EIF2AK4: variants seen among roughly 807,000 people sequenced by gnomAD.
The protein encoded by EIF2AK4 is eIF-2-alpha kinase GCN2.
Under a neutral mutation model 211.1 loss-of-function variants are expected in EIF2AK4, and 139 were observed. The observed-to-expected ratio is 0.66, with a 90% CI of 0.57 to 0.76. EIF2AK4 has a LOEUF of 0.76. EIF2AK4 is among the 30% of genes least tolerant of loss of function. EIF2AK4 has a pLI of 0.00. For synonymous variants in EIF2AK4, 710 were observed against 751.3 expected (o/e 0.94, Z 0.90); for missense variants, 1,664 against 2,043.8 (o/e 0.81, Z 3.58).
intron 16 of EIF2AK4, 85 bp downstream of exon 16, chr15:39,990,462 C>CT: frequency 3.5e-6 from 4 of 1,148,266 alleles, no homozygotes; most frequent in South Asian, 1.3e-5. Context: ...TAGAATAGTG[C>CT]GTTCACAGAA....
intron 7 of EIF2AK4, among the ~76,000 whole-genome samples, chr15:39,964,122 C>A (rs1292914169): frequency 6.6e-6 from 1 of 152,172 alleles, no homozygotes; most frequent in Non-Finnish European, 1.5e-5. Flanking sequence ...TAATTAAAAT[C>A]TCTAAATTAT....
rs1229151381 is a variant in EIF2AK4 at position 40,008,106 on chromosome 15, A to G, written c.3487A>G (p.Ile1163Val). 6.2e-7 allele frequency: 1 copy of G among 1,613,128 alleles called. No homozygotes were observed. Among genetic ancestry groups the G allele is most frequent in the South Asian group, 1.1e-5 (1 of 90,740 alleles). ...PKELLECAFD[I>V]VTSTTNSFLP... is the part of the protein sequence containing the mutation. Reference sequence around the variant, plus strand: ...AGAACTTCTGGAGTGTGCATTTGATATTGTCACTTCTACCACCAACAGCTT... The same window carrying G: ...AGAACTTCTGGAGTGTGCATTTGATGTTGTCACTTCTACCACCAACAGCTT... Residue 1163 changes from isoleucine to valine, a missense_variant, in exon 25 of 39, where the codon ATT becomes GTT. Coordinates refer to ENST00000263791, the MANE Select transcript of EIF2AK4 (RefSeq NM_001013703.4).
At chr15:40,024,713 T>TA (rs1555423025) in intron 32 of EIF2AK4, among the ~76,000 whole-genome samples, 2 of 150,176 alleles carry the variant, frequency 1.3e-5, no homozygotes, top group African/African-American at 4.9e-5. Context: ...TTTTTTTTTT[T>TA]ACTCTGAGAA....
chr15:39,954,052 A>T, intron 5 of EIF2AK4, 68 bp downstream of exon 5: 1 of 1,261,488 alleles, frequency 7.9e-7, no homozygotes, highest in Non-Finnish European at 1.1e-6. Flanking sequence ...TCCACTGATG[A>T]CATCTGTGTT....
chr15:40,002,750 ATG>A lies in EIF2AK4; in HGVS notation c.3204_3205del (p.Cys1068Ter). 1 of 1,614,234 alleles carries A rather than the reference ATG, an allele frequency of 6.2e-7. No homozygotes were observed. Among genetic ancestry groups the A allele is most frequent in the Non-Finnish European group, 8.5e-7 (1 of 1,180,032 alleles). ...ATCCGTACAGCCAAGATGCAGCAGC[ATG>A]TGTGTGAAACCATCATCCGCATCTT... On this transcript the variant is annotated frameshift_variant, in exon 22 of 39. Coordinates refer to ENST00000263791, the MANE Select transcript of EIF2AK4 (RefSeq NM_001013703.4). LOFTEE classifies it high-confidence loss of function.
intron 30 of EIF2AK4, 117 bp downstream of exon 30, chr15:40,019,317 G>C: frequency 1.4e-6 from 1 of 717,664 alleles, no homozygotes; most frequent in East Asian, 3.0e-5. Context: ...TAGACGTAGG[G>C]TTTTGAAACT....
chr15:39,954,483 G>C (rs917215736), intron 5 of EIF2AK4, among the ~76,000 whole-genome samples: 6 of 152,170 alleles, frequency 3.9e-5, no homozygotes, highest in Non-Finnish European at 4.4e-5. Context: ...TCAACTTCTG[G>C]CCTCAAGTGA....
At position 40,035,114 on chromosome 15, in the gene EIF2AK4, A is replaced by G. The variant is rs372015134; in HGVS notation, c.*30A>G. ...AAAGAACTGTCGTTAACCTCATTCA[A>G]ACAGACAGAGGCTTATACTGGAATA... On this transcript the variant is annotated 3_prime_UTR_variant, in exon 39 of 39. Transcript: ENST00000263791. 392 of 1,462,352 alleles carry G rather than the reference A, an allele frequency of 2.7e-4. 1 individual carries two copies. Among genetic ancestry groups the G allele is most frequent in the Non-Finnish European group, 3.5e-4 (376 of 1,073,850 alleles). The allele number at this position is 1,462,352 out of a possible 1,614,324, so 90.6% of individuals were successfully genotyped here.
chr15:40,016,683 A>G lies in EIF2AK4; in HGVS notation c.3930+11A>G, dbSNP rs2035306635. The G allele has an allele frequency of 1.2e-6, 2 of 1,613,526 alleles. No homozygotes were observed. Among genetic ancestry groups the G allele is most frequent in the Non-Finnish European group, 1.7e-6 (2 of 1,179,752 alleles). The stretch of plus-strand genomic sequence containing the variant: ...GGCATCAAGTTACAGGTTTGGCAAC[A>G]GTTTGATACTGGCAGTACAAATGTG... On this transcript the variant is annotated intron_variant, in intron 28 of 38. Coordinates refer to ENST00000263791, the MANE Select transcript of EIF2AK4 (RefSeq NM_001013703.4).
At chr15:39,947,545 C>A (rs1294718580) in intron 3 of EIF2AK4, among the ~76,000 whole-genome samples, 2 of 152,196 alleles carry the variant, frequency 1.3e-5, no homozygotes, top group African/African-American at 4.8e-5. Flanking sequence ...TACCATGTGT[C>A]AAGTGCTATT....
At chr15:39,958,153 A>G (rs1225756830) in intron 6 of EIF2AK4, among the ~76,000 whole-genome samples, 2 of 152,258 alleles carry the variant, frequency 1.3e-5, no homozygotes, top group African/African-American at 4.8e-5. Context: ...GTGCAGACAT[A>G]GTCCCCCCAA....
chr15:40,001,808 G>A (rs1475271540), intron 21 of EIF2AK4, among the ~76,000 whole-genome samples: 4 of 152,008 alleles, frequency 2.6e-5, no homozygotes, highest in South Asian at 2.1e-4. Context: ...CCCAGGTCCC[G>A]TAGCCCATCT....
intron 5 of EIF2AK4, among the ~76,000 whole-genome samples, chr15:39,954,604 G>A (rs2034364498): frequency 6.6e-6 from 1 of 152,154 alleles, no homozygotes; most frequent in African/African-American, 2.4e-5. Flanking sequence ...ACTGAAGAGG[G>A]AATAGAAACC....
intron 7 of EIF2AK4, among the ~76,000 whole-genome samples, chr15:39,962,827 T>C (rs1354857898): frequency 6.6e-6 from 1 of 152,230 alleles, no homozygotes; most frequent in Admixed American, 6.5e-5. Flanking sequence ...ATTTCTTCCT[T>C]TACCCTAAAT....
chr15:40,018,348 C>T (rs894315969), intron 29 of EIF2AK4, among the ~76,000 whole-genome samples: 5 of 152,040 alleles, frequency 3.3e-5, no homozygotes, highest in Non-Finnish European at 7.4e-5. Context: ...GCATGAGTTT[C>T]TTTGGATTTA....
chr15:40,025,794 A>G (rs562851739), intron 32 of EIF2AK4, among the ~76,000 whole-genome samples, 183 bp from the exon 33 acceptor site: 1 of 152,242 alleles, frequency 6.6e-6, no homozygotes, highest in African/African-American at 2.4e-5. Flanking sequence ...TACCTACTAC[A>G]TGCCAGTTGC....
chr15:39,977,951 A>G (rs1392391324), intron 12 of EIF2AK4, 127 bp from the exon 13 acceptor site: 4 of 579,278 alleles, frequency 6.9e-6, no homozygotes, highest in African/African-American at 3.7e-5. Flanking sequence ...TAGAGTATAC[A>G]TTGATGCCTG....
intron 19 of EIF2AK4, among the ~76,000 whole-genome samples, chr15:39,997,867 A>G (rs1024816140): frequency 1.3e-5 from 2 of 152,208 alleles, no homozygotes; most frequent in Admixed American, 1.3e-4. Flanking sequence ...TTAAATTCAC[A>G]TATTTATGAG....
intron 1 of EIF2AK4, 109 bp downstream of exon 1, chr15:39,934,448 C>A: frequency 7.1e-7 from 1 of 1,402,530 alleles, no homozygotes; most frequent in African/African-American, 1.5e-5. Context: ...ATCCTGCAGT[C>A]TTTTCATCCC....
Sources: allele counts gnomAD v4.1 joint callset (sites outside exome capture counted in the v4.1 genomes callset), GRCh38; gene constraint gnomAD v4.1.1; transcripts MANE v1.5; gene names NCBI Gene and HGNC (gene_info 2026-07-23, HGNC 2026-07-21).